ELP4: variants seen among roughly 807,000 people sequenced by gnomAD.
The protein encoded by ELP4 is elongator acetyltransferase complex subunit 4.
ELP4 carries 51 observed loss-of-function variants against 48.9 expected under a neutral mutation model. The ratio of observed to expected loss-of-function variants is 1.04; its 90% confidence interval spans 0.83 to 1.32. The LOEUF is 1.32. Ranked by LOEUF, ELP4 falls within the 40% of genes most tolerant of loss-of-function variation. The pLI is 0.00. For synonymous variants in ELP4, 210 were observed against 189.2 expected (o/e 1.11, Z -0.90); for missense variants, 519 against 514.6 (o/e 1.01, Z -0.08).
intron 9 of ELP4, among the ~76,000 whole-genome samples, chr11:31,700,047 A>C (rs1281862413): frequency 1.3e-5 from 2 of 152,050 alleles, no homozygotes; most frequent in African/African-American, 2.4e-5. Context: ...GTGTTGTATA[A>C]ATGTTGATTT....
intron 9 of ELP4, 171 bp downstream of exon 9, chr11:31,650,392 C>G (rs1297466133): frequency 1.4e-5 from 6 of 416,398 alleles, no homozygotes. Context: ...ATTTTTTAGA[C>G]TATTGTTTTA....
In ELP4 at chr11:31,535,861, T is replaced by C. The variant is rs1469110916; in HGVS notation, c.260-3801T>C. Among the ~76,000 whole-genome samples the C allele has an allele frequency of 2.0e-5, 3 of 152,186 alleles. No homozygotes were observed. The East Asian group carries it at 5.8e-4, about 29-fold the overall frequency. On this transcript the variant is annotated intron_variant, in intron 2 of 9. Transcript: ENST00000640961. ...TTTTGCCATATGTGCTTTTTTTGTATCTGGCTTTTTTCCACTTAGCATAAT... is the reference window on the plus strand; with the variant it reads ...TTTTGCCATATGTGCTTTTTTTGTACCTGGCTTTTTTCCACTTAGCATAAT...
intron 9 of ELP4, among the ~76,000 whole-genome samples, chr11:31,713,179 G>T (rs1946777665): frequency 6.6e-6 from 1 of 152,118 alleles, no homozygotes; most frequent in African/African-American, 2.4e-5. Flanking sequence ...GCATGTATTT[G>T]AAATAATCAA....
chr11:31,647,537 G>T, intron 7 of ELP4: 1 of 419,532 alleles, frequency 2.4e-6, no homozygotes, highest in Non-Finnish European at 4.3e-6. Context: ...AATTAGAATA[G>T]CATGACTACA....
chr11:31,729,523 AAAAAAC>A (rs1169082011), intron 9 of ELP4, among the ~76,000 whole-genome samples: 1 of 152,226 alleles, frequency 6.6e-6, no homozygotes, highest in Non-Finnish European at 1.5e-5. Flanking sequence ...TCAGATCTCA[AAAAAAC>A]ATTTTTGTTG....
At chr11:31,531,196 ATATATGTG>A in intron 2 of ELP4, among the ~76,000 whole-genome samples, 1 of 152,332 alleles carries the variant, frequency 6.6e-6, no homozygotes, top group African/African-American at 2.4e-5. Context: ...CTATTATAGA[ATATATGTG>A]TATATGTGTA....
At chr11:31,559,468 A>G (rs1474706663) in intron 3 of ELP4, among the ~76,000 whole-genome samples, 3 of 152,216 alleles carry the variant, frequency 2.0e-5, no homozygotes, top group African/African-American at 4.8e-5. Flanking sequence ...CTAAGAATAG[A>G]TTTGAGACCA....
In ELP4 at chr11:31,561,392, T is replaced by C. The variant is rs544197230; in HGVS notation, c.381+21609T>C. Among the ~76,000 whole-genome samples the C allele has an allele frequency of 2.6e-5, 4 of 152,302 alleles. No individual in the cohort carries two copies. In the South Asian group the frequency reaches 6.2e-4, roughly 24 times the overall value. ...CTTGTCTCTCTTTGAGCATGGAATT[T>C]CTCATTTTAAGCTTTCTTCATAATA... On this transcript the variant is annotated intron_variant, in intron 3 of 9. Coordinates refer to ENST00000640961, the MANE Select transcript of ELP4 (RefSeq NM_019040.5).
chr11:31,607,951 A>G (rs1957904890), intron 5 of ELP4, among the ~76,000 whole-genome samples: 1 of 151,930 alleles, frequency 6.6e-6, no homozygotes, highest in African/African-American at 2.4e-5. Context: ...TTTTTTTTGC[A>G]GTAAGTCAAT....
chr11:31,617,200 A>G (rs1205551557), intron 5 of ELP4, among the ~76,000 whole-genome samples: 1 of 152,138 alleles, frequency 6.6e-6, no homozygotes, highest in East Asian at 1.9e-4. Flanking sequence ...AATAAAATAT[A>G]CCATATAATG....
chr11:31,781,038 T>C (rs766259996), intron 9 of ELP4, among the ~76,000 whole-genome samples: 2 of 152,244 alleles, frequency 1.3e-5, no homozygotes, highest in Non-Finnish European at 2.9e-5. Flanking sequence ...ATACCTAACT[T>C]GGAGTGTTCC....
chr11:31,671,520 T>G (rs1253134878), intron 9 of ELP4, among the ~76,000 whole-genome samples: 1 of 152,180 alleles, frequency 6.6e-6, no homozygotes, highest in Non-Finnish European at 1.5e-5. Context: ...GATAAATAGC[T>G]TACTAAATTG....
At chr11:31,664,035 A>G (rs573444238) in intron 9 of ELP4, 2 of 152,254 alleles carry the variant, frequency 1.3e-5, no homozygotes, top group East Asian at 3.9e-4. Context: ...ACACAAAAAG[A>G]ACTCAATGTA....
At chr11:31,532,606 T>C (rs960568826) in intron 2 of ELP4, among the ~76,000 whole-genome samples, 1 of 152,182 alleles carries the variant, frequency 6.6e-6, no homozygotes, top group South Asian at 2.1e-4. Context: ...TATTGTAATA[T>C]GCATCCGTAA....
At chr11:31,720,069 T>C (rs879770508) in intron 9 of ELP4, 8 of 152,102 alleles carry the variant, frequency 5.3e-5, no homozygotes, top group African/African-American at 4.8e-5. Context: ...GAAGTGAAGT[T>C]ATATTGACTA....
intron 9 of ELP4, among the ~76,000 whole-genome samples, chr11:31,712,846 A>G (rs372268304): frequency 6.6e-5 from 10 of 152,198 alleles, no homozygotes; most frequent in African/African-American, 2.4e-4. Flanking sequence ...AAATTCTTAC[A>G]TTTAAATGAA....
intron 9 of ELP4, among the ~76,000 whole-genome samples, chr11:31,697,580 T>TAGAATG (rs1946437437): frequency 6.6e-6 from 1 of 152,170 alleles, no homozygotes; most frequent in African/African-American, 2.4e-5. Flanking sequence ...AAATAAAGTA[T>TAGAATG]TTGTAGTCAT....
At chr11:31,622,991 A>G (rs1418779184) in intron 5 of ELP4, among the ~76,000 whole-genome samples, 1 of 151,530 alleles carries the variant, frequency 6.6e-6, no homozygotes, top group Non-Finnish European at 1.5e-5. Flanking sequence ...TATAGCTAAT[A>G]GTTTTAAAGG....
At chr11:31,653,482 A>G (rs758164951) in intron 9 of ELP4, 1 of 151,752 alleles carries the variant, frequency 6.6e-6, no homozygotes, top group Non-Finnish European at 1.5e-5. Context: ...AGTAGCAAGT[A>G]CTATACGAGC....
Sources: allele counts gnomAD v4.1 joint callset (sites outside exome capture counted in the v4.1 genomes callset), GRCh38; gene constraint gnomAD v4.1.1; transcripts MANE v1.5; gene names NCBI Gene and HGNC (gene_info 2026-07-23, HGNC 2026-07-21).